CNOT6L: variants seen among roughly 807,000 people sequenced by gnomAD.
CNOT6L encodes CCR4-NOT transcription complex subunit 6 like.
CNOT6L carries 7 observed loss-of-function variants against 64.0 expected under a neutral mutation model. That is an observed-to-expected ratio of 0.11 (90% CI 0.06 to 0.21). CNOT6L has a LOEUF of 0.21. Among genes scored for constraint, CNOT6L ranks in the 10% least tolerant of loss-of-function variants. The pLI, the probability that CNOT6L is intolerant of heterozygous loss-of-function variation, is 1.00. For missense variants in CNOT6L, 245 were observed against 669.0 expected, an observed-to-expected ratio of 0.37 and a Z score of 6.99; for synonymous variants, 193 against 243.4, an observed-to-expected ratio of 0.79 and a Z score of 1.93.
chr4:77,774,800 G>T, intron 2 of CNOT6L, 84 bp from the exon 3 acceptor site: 1 of 831,614 alleles, frequency 1.2e-6, no homozygotes, highest in Non-Finnish European at 1.8e-6. Flanking sequence ...AGTGGTAAGA[G>T]AGGCTGCAAA....
At chr4:77,768,893 A>T (rs1309958434) in intron 4 of CNOT6L, among the ~76,000 whole-genome samples, 2 of 151,902 alleles carry the variant, frequency 1.3e-5, no homozygotes, top group African/African-American at 4.8e-5. Context: ...GGTATTGCCT[A>T]AAAAAAACCT....
At chr4:77,819,071 C>CACACACACACACACACACAT in intron 1 of CNOT6L, 1 of 733,646 alleles carries the variant, frequency 1.4e-6, no homozygotes, top group Non-Finnish European at 2.4e-6. Context: ...CACACACACA[C>CACACACACACACACACACAT]ACACCCCGGA....
rs117996682 is a variant in CNOT6L, at chr4:77,793,657, T to C, written c.6-17265A>G. On this transcript the variant is annotated intron_variant, in intron 1 of 11. Transcript: ENST00000504123. Reference sequence around the variant, plus strand: ...CAGGAATTCTGGGCATTTCCCTGAGTACTAAGCAGCAGCCACTGATTTCTG... The same window carrying C: ...CAGGAATTCTGGGCATTTCCCTGAGCACTAAGCAGCAGCCACTGATTTCTG... Among the ~76,000 whole-genome samples the C allele has an allele frequency of 1.9e-4, 29 of 152,122 alleles. No individual in the cohort carries two copies. In the East Asian group the frequency reaches 5.6e-3, roughly 29 times the overall value.
chr4:77,730,974 T>C (rs1217028388), intron 9 of CNOT6L, among the ~76,000 whole-genome samples: 2 of 152,084 alleles, frequency 1.3e-5, no homozygotes, highest in African/African-American at 4.8e-5. Context: ...ATGACTGAGA[T>C]ATAACAAAGA....
At chr4:77,764,667 G>A (rs570959140) in intron 4 of CNOT6L, among the ~76,000 whole-genome samples, 4 of 152,074 alleles carry the variant, frequency 2.6e-5, no homozygotes, top group African/African-American at 7.2e-5. Context: ...AATCATCTGC[G>A]CACAACAGCA....
intron 8 of CNOT6L, among the ~76,000 whole-genome samples, chr4:77,736,821 A>G (rs1031832845): frequency 7.3e-5 from 11 of 150,946 alleles, no homozygotes; most frequent in African/African-American, 2.2e-4. Context: ...CACATTTTTG[A>G]AAAAAAAACT....
intron 1 of CNOT6L, among the ~76,000 whole-genome samples, chr4:77,787,340 A>G (rs1216201618): frequency 1.3e-5 from 2 of 152,040 alleles, no homozygotes; most frequent in Non-Finnish European, 2.9e-5. Context: ...ATTCGCTTTT[A>G]TTTTCCTCTA....
rs533223837 is a variant in CNOT6L at position 77,787,252 on chromosome 4, T to G, written c.6-10860A>C. The stretch of plus-strand genomic sequence containing the variant: ...CTGCACTCCAGCCTGGGCAACAAAG[T>G]GAGACTCTGTCTCAAAAAATAATAA... On this transcript the variant is annotated intron_variant, in intron 1 of 11. Coordinates refer to ENST00000504123, the MANE Select transcript of CNOT6L (RefSeq NM_144571.3). Among the ~76,000 whole-genome samples the G allele has an allele frequency of 6.5e-3, 705 of 108,762 alleles. 8 individuals are homozygous for G. The highest frequency in any genetic ancestry group is 0.023 in the African/African-American group (680 of 29,658). The allele number at this position is 108,762 out of a possible 152,430, so 71.4% of individuals were successfully genotyped here.
chr4:77,768,470 A>AAAATATATATATATATAT (rs1727112716), intron 4 of CNOT6L, among the ~76,000 whole-genome samples: 15 of 134,402 alleles, frequency 1.1e-4, no homozygotes, highest in African/African-American at 4.1e-4. Context: ...GTCTAAAATA[A>AAAATATATATATATATAT]ATAAATATAT....
At chr4:77,775,770 C>G (rs1290882435) in intron 2 of CNOT6L, among the ~76,000 whole-genome samples, 3 of 152,012 alleles carry the variant, frequency 2.0e-5, no homozygotes, top group Non-Finnish European at 4.4e-5. Context: ...TGCACAAGGT[C>G]CTTTAGCTTG....
rs774568590 is a variant in CNOT6L, at chr4:77,756,959, A to C, written c.401-8T>G. On this transcript the variant is annotated splice_polypyrimidine_tract_variant and splice_region_variant and intron_variant, in intron 4 of 11. Coordinates refer to ENST00000504123, the MANE Select transcript of CNOT6L (RefSeq NM_144571.3). ...CCTGTGATAAAGGATTGCCTAAAGC[A>C]GAAGACAAAAATAAAACCTTTAAAA... is the stretch of plus-strand genomic sequence containing the variant. The C allele has an allele frequency of 6.5e-7, 1 of 1,539,820 alleles. No homozygotes were observed. The highest frequency in any genetic ancestry group is 1.4e-5 in the African/African-American group (1 of 73,112).
At chr4:77,812,135 T>C (rs774848938) in intron 1 of CNOT6L, among the ~76,000 whole-genome samples, 5 of 152,156 alleles carry the variant, frequency 3.3e-5, no homozygotes, top group Non-Finnish European at 7.3e-5. Context: ...GAAAATCTTA[T>C]GGAATCCACT....
chr4:77,754,514 ATC>A (rs923602896), intron 5 of CNOT6L, among the ~76,000 whole-genome samples: 2 of 152,116 alleles, frequency 1.3e-5, no homozygotes, highest in Non-Finnish European at 2.9e-5. Context: ...CCCAAATAAA[ATC>A]TCTACATTTT....
At chr4:77,791,910 T>C (rs953205829) in intron 1 of CNOT6L, among the ~76,000 whole-genome samples, 3 of 152,184 alleles carry the variant, frequency 2.0e-5, no homozygotes, top group Non-Finnish European at 2.9e-5. Flanking sequence ...TGTACATATA[T>C]ATATACTTGA....
chr4:77,811,368 T>C (rs1732914909), intron 1 of CNOT6L, among the ~76,000 whole-genome samples: 1 of 152,052 alleles, frequency 6.6e-6, no homozygotes, highest in African/African-American at 2.4e-5. Flanking sequence ...GCCAACATAG[T>C]GATCTCTACT....
intron 4 of CNOT6L, among the ~76,000 whole-genome samples, chr4:77,768,464 A>AAAAT (rs1193339622): frequency 0.014 from 264 of 19,146 alleles, 1 homozygote; most frequent in South Asian, 0.025. Context: ...GACTCTGTCT[A>AAAAT]AAATAAATAA....
chr4:77,783,298 C>T (rs559048849), intron 1 of CNOT6L, among the ~76,000 whole-genome samples: 49 of 152,228 alleles, frequency 3.2e-4, no homozygotes, highest in African/African-American at 9.9e-4. Context: ...CTATTCCTTA[C>T]GACATTTACT....
intron 5 of CNOT6L, among the ~76,000 whole-genome samples, chr4:77,750,852 C>A (rs1001780666): frequency 6.6e-6 from 1 of 152,244 alleles, no homozygotes; most frequent in African/African-American, 2.4e-5. Context: ...TAGGCCTGAT[C>A]TGCCTACAGT....
chr4:77,760,271 G>A (rs928996026), intron 4 of CNOT6L, among the ~76,000 whole-genome samples: 2 of 151,976 alleles, frequency 1.3e-5, no homozygotes, highest in African/African-American at 4.8e-5. Context: ...AGCTACTCAC[G>A]AGGCTGAACA....
Sources: gnomAD v4.1 joint callset for allele counts (sites outside exome capture counted in the v4.1 genomes callset) on GRCh38, gnomAD v4.1.1 for gene constraint, MANE v1.5 for transcripts, NCBI Gene and HGNC (gene_info 2026-07-23, HGNC 2026-07-21) for gene names.